CDC42BPA: variants seen among roughly 807,000 people sequenced by gnomAD.
CDC42BPA encodes CDC42 binding protein kinase alpha.
A neutral mutation model predicts 223.5 loss-of-function variants in CDC42BPA; 80 were observed. The observed-to-expected ratio is 0.36, with a 90% confidence interval of 0.30 to 0.43. The LOEUF (loss-of-function observed/expected upper bound fraction) is 0.43. Ranked by LOEUF, CDC42BPA falls within the 20% of genes least tolerant of loss-of-function variation. CDC42BPA has a pLI of 1.00. For missense variants in CDC42BPA, 1,743 were observed against 2,099.9 expected (o/e 0.83, Z 3.32); for synonymous variants, 694 against 718.6 (o/e 0.97, Z 0.55).
At chr1:227,078,793 T>A (rs1680019879) in intron 17 of CDC42BPA, among the ~76,000 whole-genome samples, 1 of 152,148 alleles carries the variant, frequency 6.6e-6, no homozygotes, top group Non-Finnish European at 1.5e-5. Context: ...TATAATCTTG[T>A]TTGAGCATTA....
chr1:227,207,531 A>C (rs1673011498), intron 3 of CDC42BPA, among the ~76,000 whole-genome samples: 1 of 84,412 alleles, frequency 1.2e-5, no homozygotes, highest in African/African-American at 4.9e-5. Context: ...CCACCCCACC[A>C]CAGTCCCCAG....
rs1250863237 is a variant in CDC42BPA, at chr1:227,213,123, A to G, written c.354+13T>C. 3.1e-6 allele frequency: 4 copies of G among 1,294,106 alleles called. No individual in the cohort carries two copies. Among genetic ancestry groups the G allele is most frequent in the East Asian group, 2.3e-5 (1 of 42,554 alleles). 80.2% of individuals were successfully genotyped at this position (1,294,106 alleles called of 1,614,324 possible). On this transcript the variant is annotated intron_variant, in intron 3 of 36. Coordinates refer to ENST00000366766, the MANE Select transcript of CDC42BPA (RefSeq NM_001394014.1). ...CTAAAATATTTATATATTCCAATAC[A>G]TAAGACTCTTACCTCAGCTCTTTTC... is the stretch of plus-strand genomic sequence containing the variant.
intron 6 of CDC42BPA, among the ~76,000 whole-genome samples, chr1:227,157,899 T>C (rs923734854): frequency 2.0e-5 from 3 of 152,006 alleles, no homozygotes; most frequent in Admixed American, 6.6e-5. Flanking sequence ...TGAAATTCCT[T>C]ATTTGTGTAA....
intron 6 of CDC42BPA, among the ~76,000 whole-genome samples, chr1:227,153,660 A>G (rs1662199054): frequency 6.6e-6 from 1 of 151,932 alleles, no homozygotes; most frequent in Non-Finnish European, 1.5e-5. Flanking sequence ...ATTTTCATTG[A>G]AAAGACTATA....
chr1:227,192,390 C>T (rs1207317456), intron 5 of CDC42BPA, among the ~76,000 whole-genome samples: 1 of 152,216 alleles, frequency 6.6e-6, no homozygotes, highest in African/African-American at 2.4e-5. Flanking sequence ...CAGCCCGACC[C>T]AACCCACTGA....
At chr1:227,009,946 A>C (rs1166674803) in intron 34 of CDC42BPA, among the ~76,000 whole-genome samples, 1 of 152,224 alleles carries the variant, frequency 6.6e-6, no homozygotes, top group East Asian at 1.9e-4. Flanking sequence ...TAATTGGAAA[A>C]TTTCTACATA....
chr1:227,264,906 AT>A, intron 1 of CDC42BPA: 1 of 1,428,662 alleles, frequency 7.0e-7, no homozygotes, highest in Non-Finnish European at 9.9e-7. Flanking sequence ...GAAACCTCAG[AT>A]ACCAGCTCAA....
chr1:227,237,128 T>C (rs1027545415), intron 2 of CDC42BPA, among the ~76,000 whole-genome samples: 1 of 151,916 alleles, frequency 6.6e-6, no homozygotes, highest in African/African-American at 2.4e-5. Flanking sequence ...AAGGTCATTC[T>C]AGTCTCATAA....
At position 227,059,545 on chromosome 1, in the gene CDC42BPA, A is replaced by G; in HGVS notation, c.2905-7560T>C. The G allele has an allele frequency of 6.4e-6, 5 of 779,102 alleles. No individual in the cohort carries two copies. The South Asian group carries it at 8.8e-5, about 14-fold the overall frequency. 48.3% of individuals were successfully genotyped at this position (779,102 alleles called of 1,614,324 possible). ...CCACAGTTTTGGATAGGTTGAATGT[A>G]CATGTATTTTTAGGAAAAACTGGAG... On this transcript the variant is annotated intron_variant, in intron 21 of 36. Transcript: ENST00000366766.
intron 35 of CDC42BPA, among the ~76,000 whole-genome samples, chr1:227,000,992 T>C (rs972398430): frequency 1.3e-5 from 2 of 152,134 alleles, no homozygotes; most frequent in African/African-American, 4.8e-5. Flanking sequence ...ATCCAACCTC[T>C]GCATGACTTC....
intron 6 of CDC42BPA, among the ~76,000 whole-genome samples, chr1:227,153,214 T>C (rs1455760861): frequency 6.8e-6 from 1 of 146,652 alleles, no homozygotes; most frequent in Non-Finnish European, 1.5e-5. Context: ...TATGGGCATA[T>C]ACATCTGTAC....
At position 227,205,283 on chromosome 1, in the gene CDC42BPA, A is replaced by ATATAT. The variant is rs1553394699; in HGVS notation, c.355-5632_355-5631insATATA. Among the ~76,000 whole-genome samples the ATATAT allele has an allele frequency of 9.0e-5, 11 of 122,766 alleles. No homozygotes were observed. In the Admixed American group the frequency reaches 9.9e-4, roughly 11 times the overall value. 80.5% of individuals were successfully genotyped at this position (122,766 alleles called of 152,430 possible). ...GACTCTGTCTCAAAAAAAAAAAAAAAATATATATATATATATATATATACA... is the reference window on the plus strand; with the variant it reads ...GACTCTGTCTCAAAAAAAAAAAAAAATATATATATATATATATATATATATATACA... On this transcript the variant is annotated intron_variant, in intron 3 of 36. Transcript: ENST00000366766.
At chr1:226,999,179 CTTT>C (rs34719872) in intron 35 of CDC42BPA, among the ~76,000 whole-genome samples, 1 of 144,000 alleles carries the variant, frequency 6.9e-6, no homozygotes, top group Non-Finnish European at 1.5e-5. Context: ...AATAGGAACA[CTTT>C]TTTTTTTTTT....
intron 3 of CDC42BPA, among the ~76,000 whole-genome samples, chr1:227,207,610 G>T (rs1173522228): frequency 6.7e-6 from 1 of 149,118 alleles, no homozygotes; most frequent in Non-Finnish European, 1.5e-5. Flanking sequence ...GTAAGAATAT[G>T]CGGTGTTTGG....
rs1227754342 is a variant in CDC42BPA, at chr1:227,127,178, GA to G, written c.1513+1930del. ...ATACGATACCATTTGGAATTGCTCA[GA>G]AAATGAAATTACTTATTATTATTCT... is the stretch of plus-strand genomic sequence containing the variant. On this transcript the variant is annotated intron_variant, in intron 11 of 36. Transcript: ENST00000366766. Among the ~76,000 whole-genome samples the G allele has an allele frequency of 2.0e-5, 3 of 152,090 alleles. No homozygotes were observed. The East Asian group carries it at 5.8e-4, about 29-fold the overall frequency.
chr1:227,048,574 T>C (rs1420486202), intron 22 of CDC42BPA, among the ~76,000 whole-genome samples: 1 of 151,702 alleles, frequency 6.6e-6, no homozygotes, highest in African/African-American at 2.4e-5. Context: ...ATTATTGGAA[T>C]TCTGACTTTA....
intron 3 of CDC42BPA, among the ~76,000 whole-genome samples, chr1:227,208,660 A>G (rs1489735299): frequency 6.7e-6 from 1 of 148,758 alleles, no homozygotes; most frequent in African/African-American, 2.5e-5. Context: ...AAGATCAGAT[A>G]GTTGTAGATA....
intron 2 of CDC42BPA, among the ~76,000 whole-genome samples, chr1:227,245,156 T>A (rs2670463): frequency 0.31 from 46,772 of 151,864 alleles, 7,368 homozygotes; most frequent in East Asian, 0.37. Flanking sequence ...CTAGGGTTGC[T>A]CATGACCTAG....
chr1:227,016,808 C>A, intron 33 of CDC42BPA, 119 bp downstream of exon 33: 1 of 991,590 alleles, frequency 1.0e-6, no homozygotes, highest in South Asian at 2.3e-5. Flanking sequence ...TTTTTGACAC[C>A]ACAGATCAAT....
Sources: gnomAD v4.1 joint callset for allele counts (sites outside exome capture counted in the v4.1 genomes callset) on GRCh38, gnomAD v4.1.1 for gene constraint, MANE v1.5 for transcripts, NCBI Gene and HGNC (gene_info 2026-07-23, HGNC 2026-07-21) for gene names.